The following TSHZ2 variants were observed in gnomAD, a reference collection of about 807,000 sequenced individuals.
TSHZ2 encodes teashirt zinc finger homeobox 2.
A neutral mutation model predicts 74.4 loss-of-function variants in TSHZ2; 21 were observed. That is an observed-to-expected ratio of 0.28 (90% CI 0.20 to 0.41). TSHZ2 has a LOEUF of 0.41. TSHZ2 is among the 10% of genes least tolerant of loss of function. The probability of loss-of-function intolerance (pLI) is 1.00; values close to 1 mark genes in which losing one functional copy is unlikely to be tolerated. For missense variants in TSHZ2, 1,244 were observed against 1,293.5 expected (o/e 0.96, Z 0.59); for synonymous variants, 540 against 515.3 (o/e 1.05, Z -0.65).
chr20:53,317,499 C>G (rs1403519662), intron 2 of TSHZ2, among the ~76,000 whole-genome samples: 2 of 152,100 alleles, frequency 1.3e-5, no homozygotes, highest in Non-Finnish European at 2.9e-5. Context: ...AAGATGCTTT[C>G]CTCCTCCTCT....
At chr20:53,117,534 A>G (rs6126759) in intron 1 of TSHZ2, among the ~76,000 whole-genome samples, 10,140 of 152,262 alleles carry the variant, frequency 0.067, 719 homozygotes, top group East Asian at 0.3. Context: ...CATTGTGCAC[A>G]TAAGACAGGG....
chr20:53,311,710 C>T (rs146914880), intron 2 of TSHZ2, among the ~76,000 whole-genome samples: 5 of 152,308 alleles, frequency 3.3e-5, no homozygotes, highest in African/African-American at 1.2e-4. Context: ...CAGCAGTTTC[C>T]ACTCTCATGA....
At position 53,133,984 on chromosome 20, in the gene TSHZ2, AT is replaced by A. The variant is rs1300035068; in HGVS notation, c.41-119514del. ...CATTTTTTCTGAAAAAAAAAAAAAA[AT>A]AGGCCACGTTTCATGGGCAAGACCT... On this transcript the variant is annotated intron_variant, in intron 1 of 2. Transcript: ENST00000371497. Among the ~76,000 whole-genome samples the A allele has an allele frequency of 2.3e-4, 35 of 152,002 alleles. No individual in the cohort carries two copies. In the Middle Eastern group the frequency reaches 0.014, roughly 59 times the overall value.
chr20:53,379,153 G>A (rs558357434), intron 2 of TSHZ2, among the ~76,000 whole-genome samples: 3 of 152,242 alleles, frequency 2.0e-5, no homozygotes, highest in Non-Finnish European at 4.4e-5. Context: ...AGGCCGAGGT[G>A]GGTGAATGGC....
intron 1 of TSHZ2, among the ~76,000 whole-genome samples, chr20:53,175,764 T>C (rs1270107744): frequency 3.3e-5 from 5 of 152,170 alleles, no homozygotes; most frequent in African/African-American, 4.8e-5. Context: ...TGGATTCAGA[T>C]TGGTGGTACC....
intron 1 of TSHZ2, among the ~76,000 whole-genome samples, chr20:53,244,752 A>G (rs1024849163): frequency 2.0e-5 from 3 of 152,198 alleles, no homozygotes; most frequent in African/African-American, 4.8e-5. Context: ...TTTCTTGAGG[A>G]TTGCAGACAT....
chr20:53,102,676 AATACTTC>A (rs775234463), intron 1 of TSHZ2, among the ~76,000 whole-genome samples: 25 of 152,200 alleles, frequency 1.6e-4, no homozygotes, highest in Non-Finnish European at 3.4e-4. Flanking sequence ...CTATAACACA[AATACTTC>A]ATAATCAACC....
At chr20:53,134,160 G>A (rs944703178) in intron 1 of TSHZ2, among the ~76,000 whole-genome samples, 1 of 152,042 alleles carries the variant, frequency 6.6e-6, no homozygotes, top group Non-Finnish European at 1.5e-5. Flanking sequence ...AACTCAGCAC[G>A]CCAGACCAAT....
chr20:53,075,446 A>G (rs1985337049), intron 1 of TSHZ2, among the ~76,000 whole-genome samples: 1 of 152,204 alleles, frequency 6.6e-6, no homozygotes, highest in South Asian at 2.1e-4. Flanking sequence ...GAAAATAGGG[A>G]CACGAAGGGG....
chr20:53,426,338 AAGC>A (rs1382237927), intron 2 of TSHZ2, among the ~76,000 whole-genome samples: 1 of 152,130 alleles, frequency 6.6e-6, no homozygotes, highest in Non-Finnish European at 1.5e-5. Context: ...CTCTCTCCCT[AAGC>A]AGTCAACCAT....
At chr20:53,035,761 C>A (rs1436927645) in intron 1 of TSHZ2, among the ~76,000 whole-genome samples, 5 of 152,084 alleles carry the variant, frequency 3.3e-5, no homozygotes, top group Non-Finnish European at 7.4e-5. Context: ...AAGCAGAGTT[C>A]ATTGGTTTCA....
rs150956757 is a variant in TSHZ2, at chr20:53,039,257, C to T, written c.40+65924C>T. On this transcript the variant is annotated intron_variant, in intron 1 of 2. Coordinates refer to ENST00000371497, the MANE Select transcript of TSHZ2 (RefSeq NM_173485.6). ...CATCCACTTTGGAACCTACCCCGAT[C>T]ATCTGATTAAAAATACTCCCTGTTC... is the stretch of plus-strand genomic sequence containing the variant. Among the ~76,000 whole-genome samples, 82 of 152,024 alleles carry T rather than the reference C, an allele frequency of 5.4e-4. 1 individual carries two copies. The highest frequency in any genetic ancestry group is 1.9e-3 in the African/African-American group (77 of 41,484).
intron 1 of TSHZ2, among the ~76,000 whole-genome samples, chr20:53,157,574 G>A (rs879568623): frequency 1.2e-4 from 18 of 151,868 alleles, no homozygotes; most frequent in Non-Finnish European, 1.9e-4. Flanking sequence ...GCCACGCCCC[G>A]AATTGGTATT....
At chr20:53,411,643 A>C (rs1186286072) in intron 2 of TSHZ2, among the ~76,000 whole-genome samples, 1 of 152,216 alleles carries the variant, frequency 6.6e-6, no homozygotes, top group Non-Finnish European at 1.5e-5. Flanking sequence ...AACCTGGGCA[A>C]CATAGTGAGA....
At position 53,489,498 on chromosome 20, in the gene TSHZ2, T is replaced by G. The variant is rs77042791; in HGVS notation, c.*2363T>G. 1,887 of 253,304 alleles carry G rather than the reference T, an allele frequency of 7.4e-3. 41 individuals carry two copies. Among genetic ancestry groups the G allele is most frequent in the African/African-American group, 0.04 (1,779 of 44,792 alleles). 15.7% of individuals were successfully genotyped at this position (253,304 alleles called of 1,614,324 possible). A position where few individuals can be genotyped will look rare whatever the true frequency, so the allele number is the denominator to read the frequency against. On this transcript the variant is annotated 3_prime_UTR_variant, in exon 3 of 3. Transcript: ENST00000371497. Reference sequence around the variant, plus strand: ...AGGCCAAAGTTACATAATTCAGATCTCACTGCAACCATCCAAAAGTGGATT... The same window carrying G: ...AGGCCAAAGTTACATAATTCAGATCGCACTGCAACCATCCAAAAGTGGATT...
At chr20:53,267,384 G>A (rs1348125842) in intron 2 of TSHZ2, among the ~76,000 whole-genome samples, 1 of 152,220 alleles carries the variant, frequency 6.6e-6, no homozygotes, top group South Asian at 2.1e-4. Flanking sequence ...GTGAAATGAG[G>A]CTCCAGTGAT....
chr20:53,330,747 T>G (rs1340178294), intron 2 of TSHZ2, among the ~76,000 whole-genome samples: 1 of 152,178 alleles, frequency 6.6e-6, no homozygotes, highest in Non-Finnish European at 1.5e-5. Flanking sequence ...ATGACAGAGC[T>G]TTGATAAGGT....
Position 52,995,399 on chromosome 20 carries a change from C to T in TSHZ2, c.40+22066C>T, listed in dbSNP as rs1034566556. ...TGACCTTAACCTACATAGGTTTCCA[C>T]GACCCTCCCTGAACCAATCACTTTC... On this transcript the variant is annotated intron_variant, in intron 1 of 2. Transcript: ENST00000371497. Among the ~76,000 whole-genome samples the T allele has an allele frequency of 3.3e-5, 5 of 152,176 alleles. No homozygotes were observed. The East Asian group carries it at 7.7e-4, about 23-fold the overall frequency.
intron 1 of TSHZ2, among the ~76,000 whole-genome samples, chr20:53,103,325 C>G (rs1017401618): frequency 6.6e-6 from 1 of 152,164 alleles, no homozygotes; most frequent in Non-Finnish European, 1.5e-5. Flanking sequence ...GCTCAGCAGA[C>G]AGCAAAGTCC....
Sources: gnomAD v4.1 joint callset for allele counts (sites outside exome capture counted in the v4.1 genomes callset) on GRCh38, gnomAD v4.1.1 for gene constraint, MANE v1.5 for transcripts, NCBI Gene and HGNC (gene_info 2026-07-23, HGNC 2026-07-21) for gene names.